The following PLPP4 variants were observed in gnomAD, a reference collection of about 807,000 sequenced individuals.
The protein encoded by PLPP4 is phospholipid phosphatase 4.
A neutral mutation model predicts 32.2 loss-of-function variants in PLPP4; 20 were observed. The observed-to-expected ratio is 0.62, with a 90% confidence interval of 0.44 to 0.90. The LOEUF (loss-of-function observed/expected upper bound fraction) is 0.90, where lower values mean the gene tolerates loss of function less well. PLPP4 is among the 40% of genes least tolerant of loss of function. The pLI is 0.00. For missense variants in PLPP4, 257 were observed against 353.1 expected, an observed-to-expected ratio of 0.73 and a Z score of 2.18; for synonymous variants, 127 against 133.0, an observed-to-expected ratio of 0.95 and a Z score of 0.31.
rs150632335 is a variant in PLPP4, at chr10:120,590,843, C to T, written c.*1341C>T. Reference sequence around the variant, plus strand: ...GGAGTGCAGTGGCGTGATCTTGGCTCACTGCAACCTTTGCCTCTGGGTTCA... The same window carrying T: ...GGAGTGCAGTGGCGTGATCTTGGCTTACTGCAACCTTTGCCTCTGGGTTCA... On this transcript the variant is annotated 3_prime_UTR_variant, in exon 7 of 7. Coordinates refer to ENST00000398250, the MANE Select transcript of PLPP4 (RefSeq NM_001030059.3). 3.4e-3 allele frequency among the ~76,000 whole-genome samples: 512 copies of T among 148,914 alleles called. 3 individuals are homozygous for T. The highest frequency in any genetic ancestry group is 0.015 in the Middle Eastern group (4 of 270).
chr10:120,472,500 T>C (rs1381513037), intron 1 of PLPP4, among the ~76,000 whole-genome samples: 1 of 152,126 alleles, frequency 6.6e-6, no homozygotes, highest in Non-Finnish European at 1.5e-5. Flanking sequence ...TGCTCTTGAT[T>C]GTTTTTAAAA....
At chr10:120,518,466 A>T (rs1241533401) in intron 3 of PLPP4, among the ~76,000 whole-genome samples, 1 of 152,194 alleles carries the variant, frequency 6.6e-6, no homozygotes, top group African/African-American at 2.4e-5. Flanking sequence ...AGGAGGAAAT[A>T]AAAAAAGTTA....
intron 1 of PLPP4, among the ~76,000 whole-genome samples, chr10:120,490,348 A>G (rs1049272058): frequency 1.3e-5 from 2 of 152,214 alleles, no homozygotes; most frequent in African/African-American, 2.4e-5. Flanking sequence ...GAAAACATTT[A>G]TTGATATCCA....
intron 1 of PLPP4, among the ~76,000 whole-genome samples, chr10:120,459,377 G>T (rs1162583806): frequency 1.3e-5 from 2 of 152,220 alleles, no homozygotes; most frequent in Admixed American, 6.5e-5. Context: ...CTAGGGGGCA[G>T]ATCTTGGATG....
At chr10:120,513,531 G>A (rs569871915) in intron 2 of PLPP4, among the ~76,000 whole-genome samples, 5 of 152,188 alleles carry the variant, frequency 3.3e-5, no homozygotes, top group Non-Finnish European at 5.9e-5. Flanking sequence ...AAATGCACTC[G>A]TGTTTCCAGA....
chr10:120,532,273 G>C (rs1246707154), intron 5 of PLPP4, among the ~76,000 whole-genome samples: 1 of 152,074 alleles, frequency 6.6e-6, no homozygotes, highest in Non-Finnish European at 1.5e-5. Context: ...AGTATTCCAT[G>C]GTGTATATGT....
At chr10:120,475,973 A>C (rs1843884238) in intron 1 of PLPP4, among the ~76,000 whole-genome samples, 1 of 152,212 alleles carries the variant, frequency 6.6e-6, no homozygotes, top group Admixed American at 6.5e-5. Context: ...CCACTCCTGC[A>C]GGCTCGGACA....
intron 3 of PLPP4, among the ~76,000 whole-genome samples, chr10:120,516,264 T>G (rs1204451203): frequency 6.6e-6 from 1 of 152,112 alleles, no homozygotes; most frequent in Non-Finnish European, 1.5e-5. Context: ...GACCAGGAGG[T>G]TTAGTTCTTA....
At chr10:120,520,303 C>A (rs1310215215) in intron 4 of PLPP4, among the ~76,000 whole-genome samples, 8 of 152,154 alleles carry the variant, frequency 5.3e-5, no homozygotes, top group African/African-American at 1.9e-4. Context: ...CTCAGTGAGG[C>A]CAGGTGAGGC....
At chr10:120,564,247 TA>T (rs748793359) in intron 5 of PLPP4, among the ~76,000 whole-genome samples, 49 of 152,080 alleles carry the variant, frequency 3.2e-4, no homozygotes, top group African/African-American at 1.1e-3. Flanking sequence ...AGTAGAGCTT[TA>T]AAAAAAATCC....
At chr10:120,535,098 G>T (rs1564823028) in intron 5 of PLPP4, among the ~76,000 whole-genome samples, 3 of 152,080 alleles carry the variant, frequency 2.0e-5, no homozygotes, top group African/African-American at 7.2e-5. Context: ...GCATTCTAAA[G>T]CTTATTATTG....
intron 5 of PLPP4, among the ~76,000 whole-genome samples, chr10:120,558,525 C>A (rs1442185864): frequency 6.6e-6 from 1 of 151,404 alleles, no homozygotes; most frequent in African/African-American, 2.4e-5. Context: ...AAGCTATTCT[C>A]CTGCCTGAGC....
intron 1 of PLPP4, among the ~76,000 whole-genome samples, chr10:120,478,699 G>C (rs1844046633): frequency 6.6e-6 from 1 of 152,086 alleles, no homozygotes; most frequent in Admixed American, 6.5e-5. Context: ...TTTTCCCTTG[G>C]TTTTATGCCT....
chr10:120,499,486 C>G (rs1271836800), intron 1 of PLPP4, among the ~76,000 whole-genome samples: 6 of 151,972 alleles, frequency 3.9e-5, no homozygotes, highest in Admixed American at 1.3e-4. Flanking sequence ...CACCTTCTAC[C>G]ACAGTCATGG....
chr10:120,526,079 G>T (rs1297097164), intron 5 of PLPP4, among the ~76,000 whole-genome samples: 1 of 151,790 alleles, frequency 6.6e-6, no homozygotes, highest in Admixed American at 6.6e-5. Flanking sequence ...CTAGCTCTTT[G>T]TCTTTTTTGT....
At chr10:120,486,903 G>A (rs77883556) in intron 1 of PLPP4, among the ~76,000 whole-genome samples, 2,687 of 152,332 alleles carry the variant, frequency 0.018, 73 homozygotes, top group African/African-American at 0.061. Context: ...GCTGCCTCCT[G>A]CAGGGGTCCC....
chr10:120,462,321 G>A (rs562578197), intron 1 of PLPP4, among the ~76,000 whole-genome samples: 1 of 152,254 alleles, frequency 6.6e-6, no homozygotes, highest in South Asian at 2.1e-4. Flanking sequence ...TCCCACAGAG[G>A]CAAAACTGGG....
At chr10:120,565,350 G>A (rs1185112606) in intron 5 of PLPP4, among the ~76,000 whole-genome samples, 1 of 149,826 alleles carries the variant, frequency 6.7e-6, no homozygotes, top group Non-Finnish European at 1.5e-5. Flanking sequence ...GTGTGTGTGT[G>A]TGTGTGTGTG....
At chr10:120,578,970 C>T (rs1339605481) in intron 6 of PLPP4, among the ~76,000 whole-genome samples, 4 of 152,308 alleles carry the variant, frequency 2.6e-5, no homozygotes, top group South Asian at 2.1e-4. Flanking sequence ...AATCCCCATA[C>T]TAGAGAAAAT....
Sources: allele counts gnomAD v4.1 joint callset (sites outside exome capture counted in the v4.1 genomes callset), GRCh38; gene constraint gnomAD v4.1.1; transcripts MANE v1.5; gene names NCBI Gene and HGNC (gene_info 2026-07-23, HGNC 2026-07-21).